Variants in CFAP54 observed in about 807,000 individuals in gnomAD.
CFAP54 encodes cilia and flagella associated protein 54.
Under a neutral mutation model 370.4 loss-of-function variants are expected in CFAP54, and 290 were observed. That is an observed-to-expected ratio of 0.78 (90% CI 0.71 to 0.86). The LOEUF is 0.86. Among genes scored for constraint, CFAP54 ranks in the 40% least tolerant of loss-of-function variants. CFAP54 has a pLI of 0.00. For synonymous variants in CFAP54, 1,206 were observed against 1,236.5 expected (o/e 0.98, Z 0.52); for missense variants, 3,399 against 3,528.7 (o/e 0.96, Z 0.93).
Position 96,831,335 on chromosome 12 carries a change from T to C in CFAP54, c.9171+2247T>C, listed in dbSNP as rs567237386. On this transcript the variant is annotated intron_variant, in intron 66 of 67. Transcript: ENST00000524981. ...GAGTGCTATGCAGGAAGAAAACATA[T>C]GTTAGAGTTGGGGTCAGCAAACTAC... 4.6e-5 allele frequency among the ~76,000 whole-genome samples: 7 copies of C among 152,294 alleles called. No individual in the cohort carries two copies. In the South Asian group the frequency reaches 1.5e-3, roughly 32 times the overall value.
At chr12:96,629,343 G>A (rs561095697) in intron 30 of CFAP54, among the ~76,000 whole-genome samples, 22 of 151,366 alleles carry the variant, frequency 1.5e-4, no homozygotes, top group African/African-American at 3.9e-4. Flanking sequence ...TCGGTCTGTC[G>A]CCCAGGCTGG....
At chr12:96,792,783 A>G (rs1466264875) in intron 63 of CFAP54, among the ~76,000 whole-genome samples, 3 of 152,016 alleles carry the variant, frequency 2.0e-5, no homozygotes, top group Admixed American at 2.0e-4. Flanking sequence ...ATTCTTTATC[A>G]TGTTAAAGAA....
chr12:96,757,362 G>A (rs1231513264), intron 57 of CFAP54, 133 bp from the exon 58 acceptor site: 2 of 469,104 alleles, frequency 4.3e-6, no homozygotes, highest in Admixed American at 3.8e-5. Flanking sequence ...GCTATGAAAA[G>A]AGGGTGTGTG....
At chr12:96,710,951 CT>C (rs1281817375) in intron 48 of CFAP54, among the ~76,000 whole-genome samples, 1 of 152,154 alleles carries the variant, frequency 6.6e-6, no homozygotes, top group Non-Finnish European at 1.5e-5. Flanking sequence ...GTTCCCTCCT[CT>C]TTTATATTTT....
At chr12:96,732,654 G>C (rs1009210661) in intron 50 of CFAP54, among the ~76,000 whole-genome samples, 5 of 151,964 alleles carry the variant, frequency 3.3e-5, no homozygotes, top group African/African-American at 1.2e-4. Flanking sequence ...AGCTCTTTTG[G>C]GTTCTCAATA....
At chr12:96,811,146 T>C (rs2058802) in intron 63 of CFAP54, among the ~76,000 whole-genome samples, 122,880 of 152,194 alleles carry the variant, frequency 0.81, 50,237 homozygotes, top group African/African-American at 0.94. Context: ...TCTAAGCTTC[T>C]GTGACTCTCA....
At chr12:96,825,272 CAT>C (rs1450541769) in intron 65 of CFAP54, among the ~76,000 whole-genome samples, 4 of 52,080 alleles carry the variant, frequency 7.7e-5, no homozygotes, top group Non-Finnish European at 1.4e-4. Flanking sequence ...TATAATATAA[CAT>C]GTTATATTAT....
At chr12:96,562,258 C>T (rs973521141) in intron 17 of CFAP54, among the ~76,000 whole-genome samples, 10 of 151,948 alleles carry the variant, frequency 6.6e-5, no homozygotes, top group African/African-American at 2.2e-4. Context: ...ATTATTAAAC[C>T]AATACCACTA....
At chr12:96,554,012 C>G (rs913390047) in intron 15 of CFAP54, among the ~76,000 whole-genome samples, 170 bp from the exon 16 acceptor site, 7 of 152,064 alleles carry the variant, frequency 4.6e-5, no homozygotes, top group Non-Finnish European at 1.5e-5. Context: ...TGATAGCACT[C>G]CACATTTAGT....
chr12:96,691,775 A>G (rs1358620724), intron 44 of CFAP54, among the ~76,000 whole-genome samples: 1 of 152,172 alleles, frequency 6.6e-6, no homozygotes, highest in Non-Finnish European at 1.5e-5. Flanking sequence ...GAGGTAAAAG[A>G]CAGACATTTC....
chr12:96,807,316 T>C (rs1229201519), intron 63 of CFAP54, among the ~76,000 whole-genome samples: 1 of 152,184 alleles, frequency 6.6e-6, no homozygotes, highest in Non-Finnish European at 1.5e-5. Context: ...CAAACACATA[T>C]AATTTAGCTG....
Position 96,754,582 on chromosome 12 carries a change from C to G in CFAP54, c.7840+684C>G, listed in dbSNP as rs532141113. Among the ~76,000 whole-genome samples, 3 of 152,190 alleles carry G rather than the reference C, an allele frequency of 2.0e-5. No individual in the cohort carries two copies. The South Asian group carries it at 6.2e-4, about 32-fold the overall frequency. ...GGTGCGGTCTGGTTAAGTGACTTTC[C>G]AAAAGTCAACAGCCACTAAATGATA... On this transcript the variant is annotated intron_variant, in intron 56 of 67. Transcript: ENST00000524981.
rs1955191198 is a variant in CFAP54 at position 96,513,112 on chromosome 12, A to G, written c.798+68A>G. On this transcript the variant is annotated intron_variant, in intron 5 of 67. Coordinates refer to ENST00000524981, the MANE Select transcript of CFAP54 (RefSeq NM_001306084.2). ...TTTTATTTTTCTTAAGGCTTTCATT[A>G]CACAGTATATTGAATGTTAAACAAG... The G allele has an allele frequency of 6.1e-6, 5 of 817,002 alleles. 1 individual carries two copies. Among genetic ancestry groups the G allele is most frequent in the Middle Eastern group, 5.1e-4 (2 of 3,898 alleles). 50.6% of individuals were successfully genotyped at this position (817,002 alleles called of 1,614,324 possible). A position where few individuals can be genotyped will look rare whatever the true frequency, so the allele number is the denominator to read the frequency against.
rs552997894 is a variant in CFAP54 at position 96,768,297 on chromosome 12, A to T, written c.8281+3079A>T. 2.6e-5 allele frequency among the ~76,000 whole-genome samples: 4 copies of T among 151,940 alleles called. No homozygotes were observed. In the South Asian group the frequency reaches 8.3e-4, roughly 32 times the overall value. Reference sequence around the variant, plus strand: ...GATCGCACCATTGCACTCCAGCCTCAGTGACAAAGTGAGACTCTGTCTCAA... The same window carrying T: ...GATCGCACCATTGCACTCCAGCCTCTGTGACAAAGTGAGACTCTGTCTCAA... On this transcript the variant is annotated intron_variant, in intron 60 of 67. Transcript: ENST00000524981.
chr12:96,561,239 G>A (rs776523924), intron 17 of CFAP54, among the ~76,000 whole-genome samples: 14 of 152,182 alleles, frequency 9.2e-5, no homozygotes, highest in East Asian at 1.9e-4. Flanking sequence ...TTCCCATGCC[G>A]TTCTCATGAT....
Position 96,792,508 on chromosome 12 carries a change from T to C in CFAP54, c.8850+9T>C. 6.6e-7 allele frequency: 1 copy of C among 1,522,134 alleles called. No individual in the cohort carries two copies. Among genetic ancestry groups the C allele is most frequent in the South Asian group, 1.2e-5 (1 of 82,364 alleles). The allele number at this position is 1,522,134 out of a possible 1,614,324, so 94.3% of individuals were successfully genotyped here. ...AGGAGACAGAACCTATGGTATGTAA[T>C]GTACTTATAGAACTCAATATTTCAT... is the stretch of plus-strand genomic sequence containing the variant. On this transcript the variant is annotated intron_variant, in intron 63 of 67. Transcript: ENST00000524981.
At chr12:96,791,688 C>A (rs1958696300) in intron 62 of CFAP54, among the ~76,000 whole-genome samples, 1 of 151,930 alleles carries the variant, frequency 6.6e-6, no homozygotes, top group Non-Finnish European at 1.5e-5. Flanking sequence ...AGTGTATTCA[C>A]CAGTGAAAAA....
rs74795923 is a variant in CFAP54, at chr12:96,638,682, C to T, written c.4317-5496C>T. Among the ~76,000 whole-genome samples the T allele has an allele frequency of 4.7e-3, 721 of 152,000 alleles. 4 individuals are homozygous for T. Among genetic ancestry groups the T allele is most frequent in the African/African-American group, 0.016 (680 of 41,464 alleles). The stretch of plus-strand genomic sequence containing the variant: ...TTTCTAGGTATGTTTTTGAAGCTAC[C>T]GGAAATGATTCTTTTAGAACTCTTT... On this transcript the variant is annotated intron_variant, in intron 32 of 67. Transcript: ENST00000524981.
chr12:96,832,278 A>C (rs530651974), intron 66 of CFAP54, among the ~76,000 whole-genome samples: 1 of 120,954 alleles, frequency 8.3e-6, no homozygotes, highest in Non-Finnish European at 1.7e-5. Context: ...TTGTAAAAAA[A>C]AAAAATATAT....
Sources: allele counts gnomAD v4.1 joint callset (sites outside exome capture counted in the v4.1 genomes callset), GRCh38; gene constraint gnomAD v4.1.1; transcripts MANE v1.5; gene names NCBI Gene and HGNC (gene_info 2026-07-23, HGNC 2026-07-21).